The following KCNQ5 variants were observed in gnomAD, a reference collection of about 807,000 sequenced individuals.
KCNQ5 encodes the protein potassium voltage-gated channel subfamily Q member 5.
KCNQ5 carries 30 observed loss-of-function variants against 98.2 expected under a neutral mutation model. That is an observed-to-expected ratio of 0.31 (90% CI 0.23 to 0.41). The LOEUF is 0.41. Among genes scored for constraint, KCNQ5 ranks in the 10% least tolerant of loss-of-function variants. The pLI is 1.00. For missense variants in KCNQ5, 835 were observed against 1,182.5 expected, an observed-to-expected ratio of 0.71 and a Z score of 4.31; for synonymous variants, 458 against 449.4, an observed-to-expected ratio of 1.02 and a Z score of -0.24.
intron 1 of KCNQ5, among the ~76,000 whole-genome samples, chr6:72,896,675 C>T (rs1170570418): frequency 3.3e-5 from 5 of 152,106 alleles, no homozygotes; most frequent in Non-Finnish European, 7.3e-5. Context: ...TCTCAGTATA[C>T]TTATTTGGAT....
chr6:72,897,683 C>T (rs756914320), intron 1 of KCNQ5, among the ~76,000 whole-genome samples: 1 of 151,880 alleles, frequency 6.6e-6, no homozygotes, highest in Non-Finnish European at 1.5e-5. Context: ...GAAGAAATAG[C>T]GAAAGAAAAG....
At position 73,197,272 on chromosome 6, in the gene KCNQ5, C is replaced by G. The variant is rs1765820648; in HGVS notation, c.*1858C>G. ...CTCCATCCCCAGGTCAACCAGTTCTCCGCTTTACCTAAAATGTGCTTCTCA... is the reference window on the plus strand; with the variant it reads ...CTCCATCCCCAGGTCAACCAGTTCTGCGCTTTACCTAAAATGTGCTTCTCA... On this transcript the variant is annotated 3_prime_UTR_variant, in exon 14 of 14. Transcript: ENST00000370398. 1 of 152,218 alleles carries G rather than the reference C, an allele frequency of 6.6e-6. No homozygotes were observed. Among genetic ancestry groups the G allele is most frequent in the Non-Finnish European group, 1.5e-5 (1 of 68,054 alleles). The allele number at this position is 152,218 out of a possible 1,614,324, so 9.4% of individuals were successfully genotyped here.
intron 1 of KCNQ5, among the ~76,000 whole-genome samples, chr6:72,749,326 A>G (rs997947454): frequency 6.6e-6 from 1 of 152,132 alleles, no homozygotes; most frequent in Non-Finnish European, 1.5e-5. Flanking sequence ...CCACCTGGTT[A>G]TGAGGTATCT....
intron 1 of KCNQ5, among the ~76,000 whole-genome samples, chr6:72,871,613 A>G (rs1338787282): frequency 6.6e-6 from 1 of 152,224 alleles, no homozygotes; most frequent in Non-Finnish European, 1.5e-5. Context: ...TCTAAATTAT[A>G]CTTGTCATAT....
chr6:72,843,483 T>G (rs889258513), intron 1 of KCNQ5, among the ~76,000 whole-genome samples: 13 of 152,238 alleles, frequency 8.5e-5, no homozygotes, highest in Non-Finnish European at 1.6e-4. Context: ...TTTGGTTCCA[T>G]ATGAAATTTA....
At chr6:72,968,708 C>A (rs1332985587) in intron 1 of KCNQ5, among the ~76,000 whole-genome samples, 1 of 152,180 alleles carries the variant, frequency 6.6e-6, no homozygotes, top group African/African-American at 2.4e-5. Context: ...ATCAGATTAA[C>A]TAATGATGTG....
At chr6:72,864,046 A>G (rs1777875798) in intron 1 of KCNQ5, among the ~76,000 whole-genome samples, 1 of 152,282 alleles carries the variant, frequency 6.6e-6, no homozygotes, top group African/African-American at 2.4e-5. Flanking sequence ...AAGTAGCTCA[A>G]TAACCAAATA....
intron 1 of KCNQ5, among the ~76,000 whole-genome samples, chr6:72,694,427 G>C (rs1768381192): frequency 6.6e-6 from 1 of 152,146 alleles, no homozygotes; most frequent in African/African-American, 2.4e-5. Context: ...TCTTCTCATG[G>C]ATTGAGAGAT....
chr6:72,623,715 T>C (rs1344799185), intron 1 of KCNQ5, among the ~76,000 whole-genome samples: 1 of 152,142 alleles, frequency 6.6e-6, no homozygotes, highest in Non-Finnish European at 1.5e-5. Context: ...TAAGATGAAA[T>C]ATAAAGACAT....
chr6:72,986,827 G>C (rs996626540), intron 1 of KCNQ5: 1 of 1,176,454 alleles, frequency 8.5e-7, no homozygotes, highest in African/African-American at 1.5e-5. Context: ...AAACAAAGGG[G>C]GCCCAGGACC....
At chr6:73,118,258 G>A (rs2350390) in intron 7 of KCNQ5, among the ~76,000 whole-genome samples, 142,497 of 152,284 alleles carry the variant, frequency 0.94, 66,779 homozygotes, top group South Asian at 0.99. Flanking sequence ...GTTTTTGTAC[G>A]TTATGGAAAT....
intron 5 of KCNQ5, among the ~76,000 whole-genome samples, chr6:73,079,019 T>G (rs984961187): frequency 6.6e-6 from 1 of 152,188 alleles, no homozygotes; most frequent in Non-Finnish European, 1.5e-5. Flanking sequence ...AAAATAATCA[T>G]AGCCAAACAT....
intron 1 of KCNQ5, among the ~76,000 whole-genome samples, chr6:72,771,251 C>T (rs1327986022): frequency 6.6e-6 from 1 of 151,940 alleles, no homozygotes; most frequent in East Asian, 1.9e-4. Flanking sequence ...GCATTTAGGG[C>T]TCAGACAAGA....
At chr6:73,047,596 G>C (rs1042283794) in intron 3 of KCNQ5, among the ~76,000 whole-genome samples, 1 of 152,174 alleles carries the variant, frequency 6.6e-6, no homozygotes, top group African/African-American at 2.4e-5. Context: ...TTTCCGAAGA[G>C]GAAAATGAAT....
intron 1 of KCNQ5, among the ~76,000 whole-genome samples, chr6:72,857,833 G>A (rs958705297): frequency 6.6e-6 from 1 of 152,190 alleles, no homozygotes; most frequent in Admixed American, 6.5e-5. Flanking sequence ...TACTCTCAAA[G>A]AGTTCACAGT....
intron 3 of KCNQ5, among the ~76,000 whole-genome samples, chr6:73,056,549 G>A (rs1582270102): frequency 6.6e-6 from 1 of 152,134 alleles, no homozygotes; most frequent in Non-Finnish European, 1.5e-5. Flanking sequence ...TGACCTTTGA[G>A]GGGCAGGAGT....
At chr6:73,123,657 C>G (rs529544517) in intron 8 of KCNQ5, among the ~76,000 whole-genome samples, 1 of 152,112 alleles carries the variant, frequency 6.6e-6, no homozygotes, top group African/African-American at 2.4e-5. Context: ...TTGATTTTCT[C>G]CTCAAAGAGA....
chr6:73,063,737 A>AGAT (rs1562156403), intron 3 of KCNQ5, among the ~76,000 whole-genome samples: 6 of 122,612 alleles, frequency 4.9e-5, no homozygotes, highest in Admixed American at 1.6e-4. Context: ...ATAGATAGAT[A>AGAT]GATAGATAGA....
intron 1 of KCNQ5, among the ~76,000 whole-genome samples, chr6:72,676,368 T>A (rs538735875): frequency 6.6e-6 from 1 of 152,188 alleles, no homozygotes; most frequent in Admixed American, 6.5e-5. Context: ...ATTTCCATCA[T>A]AAAGTATTTT....
Sources: allele counts gnomAD v4.1 joint callset (sites outside exome capture counted in the v4.1 genomes callset), GRCh38; gene constraint gnomAD v4.1.1; transcripts MANE v1.5; gene names NCBI Gene and HGNC (gene_info 2026-07-23, HGNC 2026-07-21).